ZNF257: variants seen among roughly 807,000 people sequenced by gnomAD.
ZNF257 encodes the protein zinc finger protein 257.
In ZNF257, 12 loss-of-function variants were observed where a neutral mutation model predicts 11.9. The observed-to-expected ratio is 1.01, with a 90% confidence interval of 0.65 to 1.63. The LOEUF is 1.63. ZNF257 is among the 40% of genes most tolerant of loss of function. The pLI, the probability that ZNF257 is intolerant of heterozygous loss-of-function variation, is 0.00. For missense variants in ZNF257, 580 were observed against 665.5 expected (o/e 0.87, Z 1.41); for synonymous variants, 183 against 222.7 (o/e 0.82, Z 1.59).
chr19:22,059,286 T>C (rs1365180314), intron 1 of ZNF257, among the ~76,000 whole-genome samples: 1 of 152,228 alleles, frequency 6.6e-6, no homozygotes, highest in African/African-American at 2.4e-5. Context: ...TTTTCTGATC[T>C]TTTTTGTCCT....
At chr19:22,068,573 T>A (rs1258833849) in intron 1 of ZNF257, among the ~76,000 whole-genome samples, 2 of 152,134 alleles carry the variant, frequency 1.3e-5, no homozygotes, top group Non-Finnish European at 2.9e-5. Context: ...CCCCCTTTGA[T>A]AGTGTGGCTC....
chr19:22,089,192 A>T lies in ZNF257; in HGVS notation c.1442A>T (p.His481Leu). Residue 481 changes from histidine to leucine, a missense_variant, in exon 4 of 4, where the codon CAT becomes CTT. Physicochemically the swap from His to Leu is moderately conservative, Grantham distance 99 (BLOSUM62 -3). Coordinates refer to ENST00000594947, the MANE Select transcript of ZNF257 (RefSeq NM_033468.4). ...SSHLTQHKIIHTGEKPYKCEE... is the reference protein window; with the variant it reads ...SSHLTQHKIILTGEKPYKCEE... ...CACCTTACTCAACATAAAATAATTC[A>T]TACTGGGGAGAAGCCCTACAAATGT... 1 of 1,613,850 alleles carries T rather than the reference A, an allele frequency of 6.2e-7. No individual in the cohort carries two copies. Among genetic ancestry groups the T allele is most frequent in the Non-Finnish European group, 8.5e-7 (1 of 1,179,866 alleles).
chr19:22,062,356 C>A (rs909738759), intron 1 of ZNF257, among the ~76,000 whole-genome samples: 1 of 151,418 alleles, frequency 6.6e-6, no homozygotes, highest in African/African-American at 2.4e-5. Context: ...GAACTCTTGA[C>A]CTTGTGATCT....
chr19:22,056,689 A>C (rs1353934598), intron 1 of ZNF257, among the ~76,000 whole-genome samples: 2 of 151,930 alleles, frequency 1.3e-5, no homozygotes, highest in South Asian at 4.1e-4. Context: ...CATGTTAGCC[A>C]GGATGGTCTC....
chr19:22,059,434 G>A (rs2163837), intron 1 of ZNF257, among the ~76,000 whole-genome samples: 35,959 of 151,508 alleles, frequency 0.24, 5,770 homozygotes, highest in African/African-American at 0.46. Context: ...GATTACATGC[G>A]CCTGCCACCA....
chr19:22,061,453 A>C (rs1394286542), intron 1 of ZNF257, among the ~76,000 whole-genome samples: 1 of 152,218 alleles, frequency 6.6e-6, no homozygotes, highest in African/African-American at 2.4e-5. Flanking sequence ...TTGTTGATGT[A>C]CATGGGTGCT....
At position 22,089,537 on chromosome 19, in the gene ZNF257, C is replaced by T; in HGVS notation, c.*95C>T. The T allele has an allele frequency of 1.0e-5, 15 of 1,498,716 alleles. No individual in the cohort carries two copies. The highest frequency in any genetic ancestry group is 1.3e-5 in the Non-Finnish European group (15 of 1,129,052). The allele number at this position is 1,498,716 out of a possible 1,614,324, so 92.8% of individuals were successfully genotyped here. On this transcript the variant is annotated 3_prime_UTR_variant, in exon 4 of 4. Transcript: ENST00000594947. ...TAAGGGAATTCATAATAGAGAAACC[C>T]TACAAATGTGAAGAACGTGGCCTGG...
chr19:22,079,656 T>A (rs1345504972), intron 3 of ZNF257, among the ~76,000 whole-genome samples: 1 of 152,068 alleles, frequency 6.6e-6, no homozygotes, highest in East Asian at 1.9e-4. Flanking sequence ...TAATTACCTC[T>A]CCCTGTCTCT....
rs377462050 is a variant in ZNF257, at chr19:22,058,862, C to T, written c.3+6227C>T. ...CTACACCACTCCCAGGGCTAGACAC[C>T]ACCCTCAGGAATTTCACCACAGCAT... On this transcript the variant is annotated intron_variant, in intron 1 of 3. Transcript: ENST00000594947. 1.1e-4 allele frequency among the ~76,000 whole-genome samples: 16 copies of T among 152,160 alleles called. No individual in the cohort carries two copies. The East Asian group carries it at 2.9e-3, about 28-fold the overall frequency.
chr19:22,089,813 T>C lies in ZNF257; in HGVS notation c.*371T>C, dbSNP rs10417916. 0.21 allele frequency: 55,959 copies of C among 268,598 alleles called. 7,950 individuals carry two copies. The highest frequency in any genetic ancestry group is 0.46 in the African/African-American group (20,735 of 44,818). The allele number at this position is 268,598 out of a possible 1,614,324, so 16.6% of individuals were successfully genotyped here. ...GTGAAGAATGTCACAAAGCCCTTAA[T>C]AAGTCCTCAATTCTTAACAGATATA... On this transcript the variant is annotated 3_prime_UTR_variant, in exon 4 of 4. Coordinates refer to ENST00000594947, the MANE Select transcript of ZNF257 (RefSeq NM_033468.4).
intron 3 of ZNF257, chr19:22,087,671 T>C: frequency 1.2e-6 from 1 of 833,944 alleles, no homozygotes; most frequent in Non-Finnish European, 1.6e-6. Context: ...CACTATGTTA[T>C]ACTGAGGAGA....
intron 1 of ZNF257, among the ~76,000 whole-genome samples, chr19:22,058,527 A>G (rs1399044011): frequency 6.6e-6 from 1 of 152,144 alleles, no homozygotes; most frequent in Non-Finnish European, 1.5e-5. Context: ...TCTGTGCTGA[A>G]TGGGTGGTGT....
chr19:22,064,382 A>G (rs2021887177), intron 1 of ZNF257: 1 of 152,212 alleles, frequency 6.6e-6, no homozygotes, highest in South Asian at 2.1e-4. Context: ...ATTAGCTAGG[A>G]CTTCAGATTC....
Position 22,088,422 on chromosome 19 carries a change from T to C in ZNF257, c.672T>C (p.Thr224=), listed in dbSNP as rs2022531692. 2 of 1,613,672 alleles carry C rather than the reference T, an allele frequency of 1.2e-6. No homozygotes were observed. The highest frequency in any genetic ancestry group is 2.2e-5 in the East Asian group (1 of 44,872). The part of the protein sequence containing the change: ...SALTRHKMTH[T]GEKPYKCEEC... The stretch of plus-strand genomic sequence containing the variant: ...TTACTCGACATAAGATGACTCATAC[T>C]GGAGAGAAACCCTACAAATGTGAAG... The change falls in exon 4 of 4, where the codon ACT becomes ACC. Residue 224 remains threonine (T), a synonymous_variant. Coordinates refer to ENST00000594947, the MANE Select transcript of ZNF257 (RefSeq NM_033468.4).
chr19:22,086,719 C>A (rs1311229674), intron 3 of ZNF257, among the ~76,000 whole-genome samples: 6 of 151,508 alleles, frequency 4.0e-5, no homozygotes, highest in African/African-American at 1.5e-4. Flanking sequence ...AGCATTTTTT[C>A]TTCAGGACTT....
chr19:22,080,313 G>C (rs2022329279), intron 3 of ZNF257, among the ~76,000 whole-genome samples: 1 of 152,156 alleles, frequency 6.6e-6, no homozygotes, highest in African/African-American at 2.4e-5. Flanking sequence ...AGACCAGTGG[G>C]AGGTGTTTGG....
chr19:22,081,128 C>T (rs900423817), intron 3 of ZNF257, among the ~76,000 whole-genome samples: 1 of 151,868 alleles, frequency 6.6e-6, no homozygotes, highest in African/African-American at 2.4e-5. Context: ...CCACCTGCCT[C>T]GGCCTCCCAA....
intron 1 of ZNF257, among the ~76,000 whole-genome samples, chr19:22,071,364 T>A (rs1347635242): frequency 6.6e-6 from 1 of 152,130 alleles, no homozygotes. Context: ...GGTGTGGTGG[T>A]AGCAGGTAAA....
intron 3 of ZNF257, among the ~76,000 whole-genome samples, chr19:22,081,099 G>A (rs960261683): frequency 3.3e-5 from 5 of 151,646 alleles, no homozygotes; most frequent in Non-Finnish European, 5.9e-5. Flanking sequence ...GCATTGTCTC[G>A]AACTCCTGAC....
Sources: gnomAD v4.1 joint callset for allele counts (sites outside exome capture counted in the v4.1 genomes callset) on GRCh38, gnomAD v4.1.1 for gene constraint, MANE v1.5 for transcripts, NCBI Gene and HGNC (gene_info 2026-07-23, HGNC 2026-07-21) for gene names.